Variants in FHDC1 observed in about 807,000 individuals in gnomAD.
The protein encoded by FHDC1 is FH2 domain-containing protein 1.
In FHDC1, 25 loss-of-function variants were observed where a neutral mutation model predicts 52.6. The observed-to-expected ratio is 0.48, with a 90% CI of 0.35 to 0.66. The LOEUF (loss-of-function observed/expected upper bound fraction) is 0.66, where lower values mean the gene tolerates loss of function less well. FHDC1 is among the 30% of genes least tolerant of loss of function. The pLI is 0.01. For missense variants in FHDC1, 1,459 were observed against 1,452.8 expected, an observed-to-expected ratio of 1.00 and a Z score of -0.07; for synonymous variants, 616 against 581.5, an observed-to-expected ratio of 1.06 and a Z score of -0.85.
chr4:152,930,467 G>A, the FHDC1 span, among the ~76,000 whole-genome samples: 2 of 152,112 alleles, frequency 1.3e-5, no homozygotes, highest in Admixed American at 1.3e-4. Flanking sequence ...TAGGAGGCCA[G>A]CAAGTTAGGA....
chr4:152,964,348 G>A (rs1461425172), intron 8 of FHDC1, among the ~76,000 whole-genome samples: 1 of 152,234 alleles, frequency 6.6e-6, no homozygotes, highest in East Asian at 1.9e-4. Flanking sequence ...CAAGGGTCGT[G>A]GATAGTATTC....
Position 152,968,108 on chromosome 4 carries a change from G to T in FHDC1, c.1218+11G>T. 6.2e-7 allele frequency: 1 copy of T among 1,602,980 alleles called. No homozygotes were observed. Among genetic ancestry groups the T allele is most frequent in the South Asian group, 1.1e-5 (1 of 90,156 alleles). ...GAAGATTTTCTTCAGGTTTGTAGGT[G>T]ACTCAAGTCAGTCCCTCTAATCTCA... On this transcript the variant is annotated intron_variant, in intron 10 of 11. Coordinates refer to ENST00000511601, the MANE Select transcript of FHDC1 (RefSeq NM_001371116.1).
chr4:152,939,278 G>T (rs1739508305), intron 1 of FHDC1, among the ~76,000 whole-genome samples: 1 of 152,070 alleles, frequency 6.6e-6, no homozygotes, highest in Non-Finnish European at 1.5e-5. Context: ...GTGTTTCAGT[G>T]TGTGTGTTTG....
In FHDC1 at chr4:152,976,610, G is replaced by T. The variant is rs1351350066; in HGVS notation, c.3319G>T (p.Ala1107Ser). Residue 1107 changes from alanine to serine, a missense_variant, in exon 12 of 12, where the codon GCC becomes TCC. Ala to Ser is a moderately conservative substitution (Grantham distance 99). This residue lies in a region of FHDC1 where 939 missense variants were observed against 854.5 expected (regional missense o/e 1.10). Coordinates refer to ENST00000511601, the MANE Select transcript of FHDC1 (RefSeq NM_001371116.1). ...KRPESAEGPS[A>S]NTEAPLKARG... ...CCCAGAGTCTGCGGAGGGTCCCAGT[G>T]CCAACACGGAGGCCCCTCTGAAGGC... The T allele has an allele frequency of 6.8e-6, 11 of 1,610,910 alleles. No homozygotes were observed. The Admixed American group carries it at 1.8e-4, about 27-fold the overall frequency.
At chr4:152,959,131 A>T (rs1457012842) in intron 4 of FHDC1, among the ~76,000 whole-genome samples, 1 of 152,228 alleles carries the variant, frequency 6.6e-6, no homozygotes, top group Non-Finnish European at 1.5e-5. Context: ...CTTTATAAAG[A>T]ATAATATGAA....
chr4:152,973,833 G>A (rs973327235), intron 11 of FHDC1, among the ~76,000 whole-genome samples: 4 of 152,272 alleles, frequency 2.6e-5, no homozygotes, highest in African/African-American at 7.2e-5. Context: ...ATGGCCAGGT[G>A]GTAGAGTGTG....
chr4:152,937,960 G>A (rs1179634946), intron 1 of FHDC1, among the ~76,000 whole-genome samples: 4 of 152,182 alleles, frequency 2.6e-5, no homozygotes, highest in Non-Finnish European at 5.9e-5. Context: ...CTAACGCAGA[G>A]AGCTGGTGAA....
rs1232091177 is a variant in FHDC1 at position 152,964,943 on chromosome 4, A to G, written c.1068A>G (p.Ser356=). ...AAGATACCATTCTTCTAAACTTTTC[A>G]GAAAAATTGCATCATGTTCAGAAGA... The part of the protein sequence containing the change: ...QKKDTILLNF[S]EKLHHVQKTA... Residue 356 remains serine (S), a synonymous_variant, in exon 9 of 12, where the codon TCA becomes TCG. Transcript: ENST00000511601. 2 of 1,612,632 alleles carry G rather than the reference A, an allele frequency of 1.2e-6. No individual in the cohort carries two copies. The highest frequency in any genetic ancestry group is 2.2e-5 in the East Asian group (1 of 44,808).
chr4:152,930,543 C>T, the FHDC1 span, among the ~76,000 whole-genome samples: 1 of 152,122 alleles, frequency 6.6e-6, no homozygotes, highest in Non-Finnish European at 1.5e-5. Context: ...CCAGGTCAGG[C>T]CCACAAAGAG....
chr4:152,976,097 G>C lies in FHDC1; in HGVS notation c.2806G>C (p.Asp936His), dbSNP rs1740868146. The C allele has an allele frequency of 6.2e-7, 1 of 1,610,254 alleles. No individual in the cohort carries two copies. The highest frequency in any genetic ancestry group is 8.5e-7 in the Non-Finnish European group (1 of 1,178,652). ...GPSQNPPSST[D>H]TVWSRQNSVR... ...CTCCCAGAATCCCCCCAGCAGCACAGATACTGTGTGGTCACGCCAGAACTC... is the reference window on the plus strand; with the variant it reads ...CTCCCAGAATCCCCCCAGCAGCACACATACTGTGTGGTCACGCCAGAACTC... The change falls in exon 12 of 12, where the codon GAT becomes CAT. Residue 936 changes from aspartate to histidine, a missense_variant. This residue lies in a region of FHDC1 where 939 missense variants were observed against 854.5 expected (regional missense o/e 1.10). Transcript: ENST00000511601.
chr4:152,957,426 A>C (rs994530097), intron 4 of FHDC1, among the ~76,000 whole-genome samples: 2 of 152,186 alleles, frequency 1.3e-5, no homozygotes, highest in African/African-American at 4.8e-5. Context: ...AGGCTCACAC[A>C]GGTTAGTTAT....
Position 152,975,816 on chromosome 4 carries a change from C to T in FHDC1, c.2525C>T (p.Pro842Leu). The change falls in exon 12 of 12, where the codon CCC (proline) becomes CTC (leucine). Residue 842 changes from proline to leucine, a missense_variant. Around this residue, in one of 3 missense-constraint regions of FHDC1, gnomAD observed 939 missense variants for 854.5 expected, o/e 1.10. Transcript: ENST00000511601. ...GCCCCCGTCTCTGTGGATAGTGAGC[C>T]CAGCTGCAAGGGCGGCCTGCCCAGG... is the stretch of plus-strand genomic sequence containing the variant. Reference protein sequence around the residue: ...APAPVSVDSEPSCKGGLPRDK... With the variant: ...APAPVSVDSELSCKGGLPRDK... 6.6e-7 allele frequency: 1 copy of T among 1,522,530 alleles called. No homozygotes were observed. Among genetic ancestry groups the T allele is most frequent in the Non-Finnish European group, 8.8e-7 (1 of 1,136,714 alleles). 94.3% of individuals were successfully genotyped at this position (1,522,530 alleles called of 1,614,324 possible).
At chr4:152,966,628 T>A (rs1740465132) in intron 9 of FHDC1, among the ~76,000 whole-genome samples, 1 of 152,040 alleles carries the variant, frequency 6.6e-6, no homozygotes, top group South Asian at 2.1e-4. Context: ...CCCAGTTAAT[T>A]TTTTTGTATT....
chr4:152,965,493 A>G (rs1238396415), intron 9 of FHDC1, among the ~76,000 whole-genome samples: 2 of 152,240 alleles, frequency 1.3e-5, no homozygotes, highest in Non-Finnish European at 2.9e-5. Flanking sequence ...ATAAGGCTCT[A>G]ATTACATCAC....
At chr4:152,953,467 G>A in intron 2 of FHDC1, 32 bp from the exon 3 acceptor site, 1 of 1,553,924 alleles carries the variant, frequency 6.4e-7, no homozygotes, top group Non-Finnish European at 8.8e-7. Context: ...TTTGAATTTA[G>A]TAATCCTATG....
chr4:152,968,439 C>T (rs1205868485), intron 10 of FHDC1, among the ~76,000 whole-genome samples: 2 of 152,170 alleles, frequency 1.3e-5, no homozygotes, highest in Admixed American at 1.3e-4. Flanking sequence ...AATTCTCCTG[C>T]CTCAGCCTCC....
At chr4:152,947,595 C>A (rs573819239) in intron 2 of FHDC1, among the ~76,000 whole-genome samples, 2 of 152,240 alleles carry the variant, frequency 1.3e-5, no homozygotes, top group South Asian at 4.1e-4. Flanking sequence ...CATTTGGTAT[C>A]CTCTAAAGGA....
intron 4 of FHDC1, among the ~76,000 whole-genome samples, chr4:152,954,861 A>T (rs531157818): frequency 2.4e-4 from 36 of 152,238 alleles, no homozygotes; most frequent in African/African-American, 8.4e-4. Context: ...AACTGAGAAA[A>T]TGGGGCAAGG....
intron 1 of FHDC1, among the ~76,000 whole-genome samples, chr4:152,940,245 G>A (rs1023183149): frequency 1.6e-4 from 25 of 152,222 alleles, no homozygotes; most frequent in African/African-American, 6.0e-4. Context: ...CATTGCTGGC[G>A]AACCTATTCA....
Sources: allele counts gnomAD v4.1 joint callset (sites outside exome capture counted in the v4.1 genomes callset), GRCh38; gene constraint gnomAD v4.1.1; regional missense constraint gnomAD v4.1.1; transcripts MANE v1.5; gene names NCBI Gene and HGNC (gene_info 2026-07-23, HGNC 2026-07-21).